The following BBS9 variants were observed in gnomAD, a reference collection of about 807,000 sequenced individuals.
BBS9 encodes the protein protein PTHB1.
Under a neutral mutation model 117.7 loss-of-function variants are expected in BBS9, and 89 were observed. That is an observed-to-expected ratio of 0.76 (90% CI 0.64 to 0.90). The LOEUF is 0.90. Ranked by LOEUF, BBS9 falls within the 40% of genes least tolerant of loss-of-function variation. BBS9 has a pLI of 0.00. For synonymous variants in BBS9, 379 were observed against 370.9 expected (o/e 1.02, Z -0.25); for missense variants, 982 against 1,042.2 (o/e 0.94, Z 0.80).
chr7:33,550,358 T>C (rs1854198271), intron 21 of BBS9, among the ~76,000 whole-genome samples: 1 of 152,238 alleles, frequency 6.6e-6, no homozygotes, highest in Admixed American at 6.5e-5. Flanking sequence ...ATCCAATCAA[T>C]TACTCATGTG....
chr7:33,616,268 A>G (rs1481855876), intron 21 of BBS9, among the ~76,000 whole-genome samples: 1 of 150,988 alleles, frequency 6.6e-6, no homozygotes, highest in Non-Finnish European at 1.5e-5. Context: ...ATACATATAT[A>G]CATACACGTA....
chr7:33,431,855 T>G (rs979939311), intron 19 of BBS9, among the ~76,000 whole-genome samples: 1 of 152,234 alleles, frequency 6.6e-6, no homozygotes, highest in African/African-American at 2.4e-5. Flanking sequence ...GTTCATACTT[T>G]GCACTGCTTT....
chr7:33,296,561 G>C (rs1457323561), intron 9 of BBS9, among the ~76,000 whole-genome samples: 3 of 152,124 alleles, frequency 2.0e-5, no homozygotes, highest in Non-Finnish European at 4.4e-5. Flanking sequence ...AGTTAAATGA[G>C]ACCTCTGACC....
chr7:33,527,439 A>G (rs932550161), intron 20 of BBS9, among the ~76,000 whole-genome samples: 3 of 152,160 alleles, frequency 2.0e-5, no homozygotes, highest in African/African-American at 4.8e-5. Context: ...GGTGTGGGAT[A>G]TAGTCTCGTG....
At chr7:33,465,477 T>C (rs150139706) in intron 19 of BBS9, among the ~76,000 whole-genome samples, 78 of 152,252 alleles carry the variant, frequency 5.1e-4, no homozygotes, top group African/African-American at 1.8e-3. Context: ...TGTTCCTTCT[T>C]TGGCAGTTTC....
Position 33,257,387 on chromosome 7 carries a change from C to G in BBS9, c.594C>G (p.Ser198=), listed in dbSNP as rs1263073136. 8 of 1,613,840 alleles carry G rather than the reference C, an allele frequency of 5.0e-6. No individual in the cohort carries two copies. Among genetic ancestry groups the G allele is most frequent in the Non-Finnish European group, 5.9e-6 (7 of 1,179,872 alleles). ...SRTDSFLTVS[S]CQQVESYKYQ... is the part of the protein sequence containing the mutation. ...CAGATTCCTTCCTTACTGTCTCTTC[C>G]TGCCAACAAGTGGAAAGTTATAAGT... Residue 198 remains serine, a synonymous_variant, in exon 6 of 23, where the codon TCC becomes TCG. Coordinates refer to ENST00000242067, the MANE Select transcript of BBS9 (RefSeq NM_198428.3).
chr7:33,296,501 A>G (rs1805302329), intron 9 of BBS9, among the ~76,000 whole-genome samples: 1 of 152,174 alleles, frequency 6.6e-6, no homozygotes, highest in Non-Finnish European at 1.5e-5. Flanking sequence ...AGGAATAATC[A>G]CCTGCTTTAT....
intron 2 of BBS9, 37 bp downstream of exon 2, chr7:33,146,401 T>G (rs1275777707): frequency 5.3e-6 from 8 of 1,521,576 alleles, no homozygotes; most frequent in Non-Finnish European, 7.3e-6. Context: ...GGATGAAAGT[T>G]TTAAAGAGAT....
chr7:33,200,663 C>T (rs1406664415), intron 5 of BBS9, among the ~76,000 whole-genome samples: 1 of 152,086 alleles, frequency 6.6e-6, no homozygotes, highest in Admixed American at 6.6e-5. Flanking sequence ...TTTCTAGTTC[C>T]TGGAGACCTT....
At position 33,605,252 on chromosome 7, in the gene BBS9, G is replaced by A. The variant is rs369167208; in HGVS notation, c.*26G>A. 6.2e-7 allele frequency: 1 copy of A among 1,607,536 alleles called. No homozygotes were observed. The highest frequency in any genetic ancestry group is 1.7e-5 in the Admixed American group (1 of 59,996). ...TTCAAGTAGAGTTGTTTGGTTGAGA[G>A]GAACATCCCCATCTCAAGGCCGAAC... On this transcript the variant is annotated 3_prime_UTR_variant, in exon 23 of 23. Coordinates refer to ENST00000242067, the MANE Select transcript of BBS9 (RefSeq NM_198428.3).
At chr7:33,236,464 A>T (rs1793522923) in intron 5 of BBS9, among the ~76,000 whole-genome samples, 1 of 152,000 alleles carries the variant, frequency 6.6e-6, no homozygotes, top group African/African-American at 2.4e-5. Flanking sequence ...ATATACACAT[A>T]CATACTTTAA....
At chr7:33,133,400 C>A (rs1252893052) in intron 1 of BBS9, among the ~76,000 whole-genome samples, 2 of 152,108 alleles carry the variant, frequency 1.3e-5, no homozygotes, top group African/African-American at 4.8e-5. Flanking sequence ...TTAGCTATAA[C>A]TCTCCTTCTC....
intron 9 of BBS9, among the ~76,000 whole-genome samples, chr7:33,333,701 C>T (rs553752805): frequency 6.6e-6 from 1 of 151,950 alleles, no homozygotes. Context: ...ACCTCTGTCT[C>T]CTGGGTTTAA....
At chr7:33,305,156 A>T (rs1210030338) in intron 9 of BBS9, among the ~76,000 whole-genome samples, 2 of 150,528 alleles carry the variant, frequency 1.3e-5, no homozygotes, top group Admixed American at 6.7e-5. Context: ...AAAAAAAAGA[A>T]ATGATCATAT....
intron 6 of BBS9, among the ~76,000 whole-genome samples, chr7:33,261,066 C>CTT (rs796353587): frequency 6.9e-6 from 1 of 145,492 alleles, no homozygotes; most frequent in African/African-American, 2.5e-5. Context: ...TCTCTCTCTC[C>CTT]TTTTTTTTTT....
In BBS9 at chr7:33,257,288, G is replaced by T. The variant is rs758419730; in HGVS notation, c.495G>T (p.Glu165Asp). ...TGGATGGGATGCTGATGGTATTTGA[G>T]CAGGAGAGCTATGCTTTTGGAAGAT... ...QSMDGMLMVF[E>D]QESYAFGRFL... The change falls in exon 6 of 23, where the codon GAG becomes GAT. Residue 165 changes from glutamate (E) to aspartate (D), a missense_variant. By Grantham distance (45) the Glu-to-Asp change is conservative. Coordinates refer to ENST00000242067, the MANE Select transcript of BBS9 (RefSeq NM_198428.3). The T allele has an allele frequency of 1.2e-6, 2 of 1,613,838 alleles. No homozygotes were observed. Among genetic ancestry groups the T allele is most frequent in the Non-Finnish European group, 1.7e-6 (2 of 1,179,818 alleles).
At chr7:33,301,135 A>C (rs1806332824) in intron 9 of BBS9, among the ~76,000 whole-genome samples, 1 of 152,046 alleles carries the variant, frequency 6.6e-6, no homozygotes, top group South Asian at 2.1e-4. Context: ...GTGTGTATAT[A>C]TATACACACA....
intron 9 of BBS9, among the ~76,000 whole-genome samples, chr7:33,302,713 A>G (rs1278636279): frequency 6.6e-6 from 1 of 152,124 alleles, no homozygotes; most frequent in Non-Finnish European, 1.5e-5. Context: ...AGGTAATGTG[A>G]TTCTTTCAGT....
At chr7:33,175,901 G>A (rs1583476432) in intron 4 of BBS9, among the ~76,000 whole-genome samples, 1 of 152,154 alleles carries the variant, frequency 6.6e-6, no homozygotes, top group South Asian at 2.1e-4. Flanking sequence ...GGCTAACATA[G>A]CATTTTAGGT....
Sources: allele counts gnomAD v4.1 joint callset (sites outside exome capture counted in the v4.1 genomes callset), GRCh38; gene constraint gnomAD v4.1.1; transcripts MANE v1.5; gene names NCBI Gene and HGNC (gene_info 2026-07-23, HGNC 2026-07-21).